NUPR1: variants seen among roughly 807,000 people sequenced by gnomAD.
NUPR1 encodes the protein nuclear protein 1, transcriptional regulator, also known as nuclear protein 1.
A neutral mutation model predicts 7.3 loss-of-function variants in NUPR1; 8 were observed. The observed-to-expected ratio is 1.09, with a 90% CI of 0.64 to 1.97. The LOEUF is 1.97. Among genes scored for constraint, NUPR1 ranks in the 30% most tolerant of loss-of-function variants. NUPR1 has a pLI of 0.00. For synonymous variants in NUPR1, 39 were observed against 44.5 expected, an observed-to-expected ratio of 0.88 and a Z score of 0.49; for missense variants, 96 against 111.7, an observed-to-expected ratio of 0.86 and a Z score of 0.63.
At chr16:28,537,700 G>A (rs534122430) in intron 2 of NUPR1, 31 bp from the exon 3 acceptor site, 52 of 288,806 alleles carry the variant, frequency 1.8e-4, no homozygotes, top group Non-Finnish European at 3.0e-4. Context: ...GGTGGTAAAA[G>A]GGACAGAGAT....
rs1181933172 is a variant in NUPR1 at position 28,538,868 on chromosome 16, G to T, written c.40C>A (p.Pro14Thr). The T allele has an allele frequency of 1.2e-6, 2 of 1,613,288 alleles. No homozygotes were observed. Among genetic ancestry groups the T allele is most frequent in the African/African-American group, 2.7e-5 (2 of 74,858 alleles). Reference protein sequence around the residue: ...FPPATSAPQQPPGPEDEDSSL... With the variant: ...FPPATSAPQQTPGPEDEDSSL... ...GAGTCCTCGTCCTCCGGGCCTGGGG[G>T]CTGCTGGGGGGCGCTGGTTGCTGGT... Residue 14 changes from proline (P) to threonine (T), a missense_variant, in exon 1 of 3, where the codon CCC (proline) becomes ACC (threonine). Transcript: ENST00000324873.
In NUPR1 at chr16:28,535,544, C is replaced by CTTTCTCT. The variant is rs1406601108; in HGVS notation, c.*2138_*2139insAGAGAAA. The stretch of plus-strand genomic sequence containing the variant: ...CTTTCTTTCTTTCTTTCTTTCTTTC[C>CTTTCTCT]TTCTTTCTTTCTTTCTTTCCTTCCT... On this transcript the variant is annotated 3_prime_UTR_variant, in exon 3 of 3. Transcript: ENST00000324873. 5 of 58,122 alleles carry CTTTCTCT rather than the reference C, an allele frequency of 8.6e-5. No homozygotes were observed. Among genetic ancestry groups the CTTTCTCT allele is most frequent in the African/African-American group, 3.0e-4 (5 of 16,694 alleles). The allele number at this position is 58,122 out of a possible 1,614,324, so 3.6% of individuals were successfully genotyped here. A position where few individuals can be genotyped will look rare whatever the true frequency, so the allele number is the denominator to read the frequency against.
In NUPR1 at chr16:28,538,814, G is replaced by C; in HGVS notation, c.94C>G (p.Leu32Val). ...SSLDESDLYS[L>V]AHSYLGGGGR... is the part of the protein sequence containing the mutation. ...GCCTTACCGAGGTAGGAATGGGCCA[G>C]GCTATAGAGGTCAGATTCATCCAGG... Residue 32 changes from leucine to valine, a missense_variant, in exon 1 of 3, where the codon CTG becomes GTG. Transcript: ENST00000324873. The C allele has an allele frequency of 1.2e-6, 2 of 1,611,948 alleles. No homozygotes were observed. The highest frequency in any genetic ancestry group is 1.7e-6 in the Non-Finnish European group (2 of 1,178,888).
rs1567277629 is a variant in NUPR1, at chr16:28,535,595, T to TCTTTC, written c.*2083_*2087dup. On this transcript the variant is annotated 3_prime_UTR_variant, in exon 3 of 3. Transcript: ENST00000324873. ...TCCTTTCTTTCTTTCTTTCTTTCTTTCTTTCTTTCTTTCTTTCTTTCTTTC... is the reference window on the plus strand; with the variant it reads ...TCCTTTCTTTCTTTCTTTCTTTCTTTCTTTCCTTTCTTTCTTTCTTTCTTTCTTTC... 9 of 47,698 alleles carry TCTTTC rather than the reference T, an allele frequency of 1.9e-4. No homozygotes were observed. Among genetic ancestry groups the TCTTTC allele is most frequent in the African/African-American group, 1.2e-3 (9 of 7,670 alleles). The allele number at this position is 47,698 out of a possible 1,614,324, so 3.0% of individuals were successfully genotyped here.
At chr16:28,538,201 T>C in intron 1 of NUPR1, 46 bp from the exon 2 acceptor site, 1 of 1,612,626 alleles carries the variant, frequency 6.2e-7, no homozygotes, top group Non-Finnish European at 8.5e-7. Context: ...ATAGGCATGA[T>C]GAGAGGCCCT....
In NUPR1 at chr16:28,535,571, C is replaced by CCTTCCTTCCTTCCTTTCTTT. The variant is rs71140975; in HGVS notation, c.*2111_*2112insAAAGAAAGGAAGGAAGGAAG. ...TCTTTCTTTCTTTCTTTCCTTCCTT[C>CCTTCCTTCCTTCCTTTCTTT]CTTTCTTTCTTTCTTTCTTTCTTTC... is the stretch of plus-strand genomic sequence containing the variant. On this transcript the variant is annotated 3_prime_UTR_variant, in exon 3 of 3. Transcript: ENST00000324873. The CCTTCCTTCCTTCCTTTCTTT allele has an allele frequency of 1.6e-3, 115 of 71,942 alleles. 3 individuals carry two copies. The highest frequency in any genetic ancestry group is 0.01 in the East Asian group (15 of 1,434). The allele number at this position is 71,942 out of a possible 1,614,324, so 4.5% of individuals were successfully genotyped here.
At chr16:28,538,718 A>G in intron 1 of NUPR1, 78 bp downstream of exon 1, 1 of 1,100,256 alleles carries the variant, frequency 9.1e-7, no homozygotes, top group Non-Finnish European at 1.4e-6. Context: ...AAGGAAAGGA[A>G]ATGAGAGGAA....
At position 28,538,038 on chromosome 16, in the gene NUPR1, T is replaced by G. The variant is rs1347283568; in HGVS notation, c.230A>C (p.Lys77Thr). The change falls in exon 2 of 3, where the codon AAG (lysine) becomes ACG (threonine). Residue 77 changes from lysine (K) to threonine (T), a missense_variant. By Grantham distance (78) the Lys-to-Thr change is moderately conservative. Coordinates refer to ENST00000324873, the MANE Select transcript of NUPR1 (RefSeq NM_012385.3). ...VTKLQNSERK[K>T]RGARR The stretch of plus-strand genomic sequence containing the variant: ...TCTGTCTCAGCGCCGTGCCCCTCGC[T>G]TCTTCCTCTCTGAATTCTGCAGCTT... 9 of 1,614,006 alleles carry G rather than the reference T, an allele frequency of 5.6e-6. No homozygotes were observed. The highest frequency in any genetic ancestry group is 7.6e-6 in the Non-Finnish European group (9 of 1,179,940).
At position 28,533,447 on chromosome 16, in the gene NUPR1, A is replaced by G. The variant is rs1178089253; in HGVS notation, c.*4236T>C. On this transcript the variant is annotated 3_prime_UTR_variant, in exon 3 of 3. Coordinates refer to ENST00000324873, the MANE Select transcript of NUPR1 (RefSeq NM_012385.3). ...CCAGGCTGGAGTGAGATCATGGCTC[A>G]CTGCAGCCTCCACCTCCCAGACTCA... The G allele has an allele frequency of 6.6e-6, 1 of 152,188 alleles. No individual in the cohort carries two copies. Among genetic ancestry groups the G allele is most frequent in the African/African-American group, 2.4e-5 (1 of 41,400 alleles). The allele number at this position is 152,188 out of a possible 1,614,324, so 9.4% of individuals were successfully genotyped here. A position where few individuals can be genotyped will look rare whatever the true frequency, so the allele number is the denominator to read the frequency against.
Position 28,538,944 on chromosome 16 carries a change from C to T in NUPR1, c.-37G>A. The T allele has an allele frequency of 6.4e-7, 1 of 1,559,416 alleles. No homozygotes were observed. Among genetic ancestry groups the T allele is most frequent in the East Asian group, 2.2e-5 (1 of 44,476 alleles). On this transcript the variant is annotated 5_prime_UTR_variant, in exon 1 of 3. Coordinates refer to ENST00000324873, the MANE Select transcript of NUPR1 (RefSeq NM_012385.3). ...TGTCTTCCCTGCCTCTCTTCTTCTC[C>T]TAACGCTTTGTCTGTCTCTGCTTTC...
At position 28,534,273 on chromosome 16, in the gene NUPR1, G is replaced by T. The variant is rs1596586054; in HGVS notation, c.*3410C>A. 1 of 152,186 alleles carries T rather than the reference G, an allele frequency of 6.6e-6. No individual in the cohort carries two copies. The highest frequency in any genetic ancestry group is 1.5e-5 in the Non-Finnish European group (1 of 68,090). 9.4% of individuals were successfully genotyped at this position (152,186 alleles called of 1,614,324 possible). ...GTCCTTAAATGTCCTTCCGGGTCAT[G>T]GATTCATTCTGTGGCTGTGATTAGG... On this transcript the variant is annotated 3_prime_UTR_variant, in exon 3 of 3. Transcript: ENST00000324873.
In NUPR1 at chr16:28,535,592, C is replaced by CTTTTCTTTTCTTTCT. The variant is rs1406590742; in HGVS notation, c.*2090_*2091insAGAAAGAAAAGAAAA. ...CCTTCCTTTCTTTCTTTCTTTCTTT[C>CTTTTCTTTTCTTTCT]TTTCTTTCTTTCTTTCTTTCTTTCT... On this transcript the variant is annotated 3_prime_UTR_variant, in exon 3 of 3. Coordinates refer to ENST00000324873, the MANE Select transcript of NUPR1 (RefSeq NM_012385.3). 4 of 37,038 alleles carry CTTTTCTTTTCTTTCT rather than the reference C, an allele frequency of 1.1e-4. No individual in the cohort carries two copies. The highest frequency in any genetic ancestry group is 4.7e-4 in the African/African-American group (4 of 8,454). 2.3% of individuals were successfully genotyped at this position (37,038 alleles called of 1,614,324 possible). A position where few individuals can be genotyped will look rare whatever the true frequency, so the allele number is the denominator to read the frequency against.
In NUPR1 at chr16:28,535,625, CTTTCTCTCTCTT is replaced by C. The variant is rs2046616376; in HGVS notation, c.*2046_*2057del. On this transcript the variant is annotated 3_prime_UTR_variant, in exon 3 of 3. Transcript: ENST00000324873. ...CTTTCTTTCTTTCTTTCTTTCTTCT[CTTTCTCTCTCTT>C]TCTTCTTTTTCTCTCCTTTCTCTCT... 2 of 90,046 alleles carry C rather than the reference CTTTCTCTCTCTT, an allele frequency of 2.2e-5. No individual in the cohort carries two copies. The highest frequency in any genetic ancestry group is 7.4e-4 in the East Asian group (2 of 2,696). 5.6% of individuals were successfully genotyped at this position (90,046 alleles called of 1,614,324 possible). A position where few individuals can be genotyped will look rare whatever the true frequency, so the allele number is the denominator to read the frequency against.
rs779528047 is a variant in NUPR1 at position 28,538,041 on chromosome 16, T to G, written c.227A>C (p.Lys76Thr). 1.2e-6 allele frequency: 2 copies of G among 1,614,028 alleles called. No individual in the cohort carries two copies. Among genetic ancestry groups the G allele is most frequent in the Admixed American group, 3.3e-5 (2 of 59,998 alleles). ...LVTKLQNSER[K>T]KRGARR ...GTCTCAGCGCCGTGCCCCTCGCTTC[T>G]TCCTCTCTGAATTCTGCAGCTTGGT... The change falls in exon 2 of 3, where the codon AAG (lysine) becomes ACG (threonine). Residue 76 changes from lysine (K) to threonine (T), a missense_variant. Transcript: ENST00000324873.
At chr16:28,538,279 C>G in intron 1 of NUPR1, 124 bp from the exon 2 acceptor site, 1 of 1,440,494 alleles carries the variant, frequency 6.9e-7, no homozygotes, top group Middle Eastern at 1.8e-4. Context: ...GCTGCTTCCC[C>G]TCTGTGGAAT....
At chr16:28,538,225 C>G in intron 1 of NUPR1, 70 bp from the exon 2 acceptor site, 2 of 1,608,844 alleles carry the variant, frequency 1.2e-6, no homozygotes, top group South Asian at 2.2e-5. Context: ...AGAGGAGAGG[C>G]AGGGGTTCAG....
Position 28,535,509 on chromosome 16 carries a change from T to TTC in NUPR1, c.*2172_*2173dup, listed in dbSNP as rs753789519. 11 of 62,836 alleles carry TTC rather than the reference T, an allele frequency of 1.8e-4. No homozygotes were observed. Among genetic ancestry groups the TTC allele is most frequent in the African/African-American group, 6.4e-4 (11 of 17,282 alleles). 3.9% of individuals were successfully genotyped at this position (62,836 alleles called of 1,614,324 possible). ...ACTGTGCCGGGGCTCGCTCTTTTCT[T>TTC]TCTTTCTTTCTTTCTTTCTTTCTTT... On this transcript the variant is annotated 3_prime_UTR_variant, in exon 3 of 3. Transcript: ENST00000324873.
rs2046610796 is a variant in NUPR1, at chr16:28,535,575, T to TCTTTCTTTTCTTTCTTC, written c.*2107_*2108insGAAGAAAGAAAAGAAAG. 55 of 41,398 alleles carry TCTTTCTTTTCTTTCTTC rather than the reference T, an allele frequency of 1.3e-3. No homozygotes were observed. The highest frequency in any genetic ancestry group is 6.1e-3 in the African/African-American group (53 of 8,730). 2.6% of individuals were successfully genotyped at this position (41,398 alleles called of 1,614,324 possible). A position where few individuals can be genotyped will look rare whatever the true frequency, so the allele number is the denominator to read the frequency against. On this transcript the variant is annotated 3_prime_UTR_variant, in exon 3 of 3. Transcript: ENST00000324873. ...TCTTTCTTTCTTTCCTTCCTTCCTT[T>TCTTTCTTTTCTTTCTTC]CTTTCTTTCTTTCTTTCTTTCTTTC...
rs1567277437 is a variant in NUPR1 at position 28,535,564 on chromosome 16, C to CTTCTTTCTTTCTTTCTTTCTTTCT, written c.*2118_*2119insAGAAAGAAAGAAAGAAAGAAAGAA. The CTTCTTTCTTTCTTTCTTTCTTTCT allele has an allele frequency of 3.5e-5, 2 of 57,778 alleles. No individual in the cohort carries two copies. Among genetic ancestry groups the CTTCTTTCTTTCTTTCTTTCTTTCT allele is most frequent in the East Asian group, 6.1e-4 (1 of 1,642 alleles). The allele number at this position is 57,778 out of a possible 1,614,324, so 3.6% of individuals were successfully genotyped here. On this transcript the variant is annotated 3_prime_UTR_variant, in exon 3 of 3. Coordinates refer to ENST00000324873, the MANE Select transcript of NUPR1 (RefSeq NM_012385.3). ...CTTTCCTTCTTTCTTTCTTTCTTTC[C>CTTCTTTCTTTCTTTCTTTCTTTCT]TTCCTTCCTTTCTTTCTTTCTTTCT... is the stretch of plus-strand genomic sequence containing the variant.
Sources: allele counts gnomAD v4.1 joint callset, GRCh38; gene constraint gnomAD v4.1.1; transcripts MANE v1.5; gene names NCBI Gene and HGNC (gene_info 2026-07-23, HGNC 2026-07-21).